ANO2: variants seen among roughly 807,000 people sequenced by gnomAD.
The protein encoded by ANO2 is anoctamin 2, also known as anoctamin-2.
A neutral mutation model predicts 124.2 loss-of-function variants in ANO2; 101 were observed. The ratio of observed to expected loss-of-function variants is 0.81; its 90% CI spans 0.69 to 0.96. ANO2 has a LOEUF of 0.96. ANO2 is among the 40% of genes least tolerant of loss of function. The pLI is 0.00. For synonymous variants in ANO2, 486 were observed against 482.5 expected (o/e 1.01, Z -0.09); for missense variants, 1,293 against 1,274.5 (o/e 1.01, Z -0.22).
chr12:5,601,680 T>C (rs192234240), intron 19 of ANO2, among the ~76,000 whole-genome samples: 1 of 152,332 alleles, frequency 6.6e-6, no homozygotes, highest in African/African-American at 2.4e-5. Flanking sequence ...GTGGTTTTGA[T>C]TATACATAGA....
At chr12:5,873,583 T>G (rs1012912262) in intron 3 of ANO2, among the ~76,000 whole-genome samples, 2 of 152,194 alleles carry the variant, frequency 1.3e-5, no homozygotes. Context: ...GGGAGGAGCA[T>G]GTCCTGGCGA....
chr12:5,941,177 C>T (rs555772255), intron 1 of ANO2, among the ~76,000 whole-genome samples: 15 of 152,076 alleles, frequency 9.9e-5, no homozygotes, highest in South Asian at 2.1e-4. Context: ...AACTAGATTG[C>T]GGTGATGGTT....
At position 5,712,528 on chromosome 12, in the gene ANO2, A is replaced by G. The variant is rs182325398; in HGVS notation, c.1545+19992T>C. 2.0e-5 allele frequency among the ~76,000 whole-genome samples: 3 copies of G among 152,304 alleles called. No homozygotes were observed. In the East Asian group the frequency reaches 5.8e-4, roughly 29 times the overall value. On this transcript the variant is annotated intron_variant, in intron 14 of 24. Transcript: ENST00000682330. ...AAGAGGCAAAGATGGATTCTCTCCTAGAGACTTCAGAGGGAACGTGGGCCT... is the reference window on the plus strand; with the variant it reads ...AAGAGGCAAAGATGGATTCTCTCCTGGAGACTTCAGAGGGAACGTGGGCCT...
chr12:5,700,335 T>A (rs939692715), intron 14 of ANO2, among the ~76,000 whole-genome samples: 79 of 152,202 alleles, frequency 5.2e-4, no homozygotes, highest in Non-Finnish European at 9.8e-4. Flanking sequence ...TGCTCCTGAA[T>A]GACTACTGGG....
intron 7 of ANO2, among the ~76,000 whole-genome samples, chr12:5,823,104 A>T (rs555005771): frequency 6.6e-6 from 1 of 152,346 alleles, no homozygotes; most frequent in East Asian, 1.9e-4. Context: ...GCAGGGGGAC[A>T]CAGCCAAACC....
At chr12:5,711,680 A>C (rs1766798330) in intron 14 of ANO2, among the ~76,000 whole-genome samples, 1 of 152,322 alleles carries the variant, frequency 6.6e-6, no homozygotes, top group Non-Finnish European at 1.5e-5. Flanking sequence ...GTGCCTGTAC[A>C]TGCTCAAAAA....
intron 20 of ANO2, among the ~76,000 whole-genome samples, chr12:5,588,589 T>A (rs980051172): frequency 1.3e-4 from 20 of 152,196 alleles, no homozygotes; most frequent in African/African-American, 4.8e-4. Flanking sequence ...GCTGGTCTCA[T>A]GGTCTGAAAC....
intron 20 of ANO2, among the ~76,000 whole-genome samples, chr12:5,591,030 A>C (rs146551938): frequency 1.4e-3 from 210 of 152,226 alleles, no homozygotes; most frequent in African/African-American, 4.6e-3. Context: ...AAATACAAAA[A>C]ATTAGCAGGG....
At chr12:5,802,864 G>T (rs879514007) in intron 9 of ANO2, among the ~76,000 whole-genome samples, 7 of 152,238 alleles carry the variant, frequency 4.6e-5, no homozygotes, top group Admixed American at 3.3e-4. Flanking sequence ...AATCCCAGAT[G>T]TGTCTGTCTG....
chr12:5,891,864 A>T (rs891569100), intron 3 of ANO2, among the ~76,000 whole-genome samples: 1 of 152,240 alleles, frequency 6.6e-6, no homozygotes, highest in Non-Finnish European at 1.5e-5. Context: ...GATTTCCATA[A>T]CATAATATTG....
chr12:5,701,063 C>T (rs1190315403), intron 14 of ANO2, among the ~76,000 whole-genome samples: 1 of 150,106 alleles, frequency 6.7e-6, no homozygotes, highest in African/African-American at 2.5e-5. Flanking sequence ...CAGGGTAAAT[C>T]CTCTAGGATT....
At chr12:5,672,102 G>T (rs1476107688) in intron 14 of ANO2, among the ~76,000 whole-genome samples, 6 of 152,140 alleles carry the variant, frequency 3.9e-5, no homozygotes, top group African/African-American at 1.4e-4. Flanking sequence ...GCTCTATCTC[G>T]GTCTGCAGGT....
Position 5,636,379 on chromosome 12 carries a change from AG to A in ANO2, c.1621-1033del, listed in dbSNP as rs998559327. On this transcript the variant is annotated intron_variant, in intron 15 of 24. Transcript: ENST00000682330. This position sits in a 1 kb window ranked among gnomAD's most constrained non-coding sequence, Gnocchi z 4.6. ...GATAGAAGAAGGAGAGACAACTGCT[AG>A]GTGCATGCCCCACTCAGAGCAAATT... Among the ~76,000 whole-genome samples the A allele has an allele frequency of 6.6e-6, 1 of 152,154 alleles. No homozygotes were observed. The highest frequency in any genetic ancestry group is 1.5e-5 in the Non-Finnish European group (1 of 68,030).
intron 7 of ANO2, among the ~76,000 whole-genome samples, chr12:5,824,650 C>T (rs1331041844): frequency 1.3e-5 from 2 of 152,222 alleles, no homozygotes; most frequent in Admixed American, 6.5e-5. Context: ...TTCCAACCTC[C>T]ACCTGTTACC....
At chr12:5,917,316 G>C (rs1398927357) in intron 3 of ANO2, among the ~76,000 whole-genome samples, 1 of 151,668 alleles carries the variant, frequency 6.6e-6, no homozygotes, top group African/African-American at 2.4e-5. Flanking sequence ...GATCCATAGT[G>C]AATAATTTTT....
At chr12:5,656,099 G>A (rs1032088422) in intron 14 of ANO2, among the ~76,000 whole-genome samples, 2 of 152,208 alleles carry the variant, frequency 1.3e-5, no homozygotes, top group African/African-American at 4.8e-5. Flanking sequence ...TGGAAGGTGA[G>A]GGGAGAGCAG....
At chr12:5,814,229 A>G (rs1488828133) in intron 7 of ANO2, among the ~76,000 whole-genome samples, 1 of 152,162 alleles carries the variant, frequency 6.6e-6, no homozygotes, top group Non-Finnish European at 1.5e-5. Flanking sequence ...CCAGGTTACA[A>G]CGCCGTCCCT....
At chr12:5,744,078 G>C (rs1255782208) in intron 12 of ANO2, 79 bp downstream of exon 12, 1 of 1,554,830 alleles carries the variant, frequency 6.4e-7, no homozygotes, top group Non-Finnish European at 8.8e-7. Context: ...TAACCTGAAG[G>C]GGATGAGCTT....
At chr12:5,680,199 T>C (rs1948431890) in intron 14 of ANO2, among the ~76,000 whole-genome samples, 1 of 152,170 alleles carries the variant, frequency 6.6e-6, no homozygotes, top group Non-Finnish European at 1.5e-5. Context: ...GCTTCATTCC[T>C]AGCTGATGGG....
Sources: allele counts gnomAD v4.1 joint callset (sites outside exome capture counted in the v4.1 genomes callset), GRCh38; gene constraint gnomAD v4.1.1; non-coding constraint Gnocchi (gnomAD v3.1); transcripts MANE v1.5; gene names NCBI Gene and HGNC (gene_info 2026-07-23, HGNC 2026-07-21).